Variants in AKAP6 observed in about 807,000 individuals in gnomAD.
AKAP6 encodes the protein A-kinase anchoring protein 6, also known as A-kinase anchor protein 6.
A neutral mutation model predicts 188.5 loss-of-function variants in AKAP6; 58 were observed. The observed-to-expected ratio is 0.31, with a 90% confidence interval of 0.25 to 0.38. The LOEUF (loss-of-function observed/expected upper bound fraction) is 0.38, where lower values mean the gene tolerates loss of function less well. Ranked by LOEUF, AKAP6 falls within the 10% of genes least tolerant of loss-of-function variation. AKAP6 has a pLI of 1.00. For missense variants in AKAP6, 2,710 were observed against 2,740.0 expected (o/e 0.99, Z 0.24); for synonymous variants, 989 against 998.6 (o/e 0.99, Z 0.18).
At chr14:32,813,474 A>AC (rs1217413493) in intron 12 of AKAP6, among the ~76,000 whole-genome samples, 2 of 127,904 alleles carry the variant, frequency 1.6e-5, no homozygotes, top group African/African-American at 5.9e-5. Flanking sequence ...TCTGGTGACC[A>AC]CCCCCAACCT....
chr14:32,753,447 A>G (rs760443823), intron 11 of AKAP6, among the ~76,000 whole-genome samples: 2 of 152,124 alleles, frequency 1.3e-5, no homozygotes, highest in Non-Finnish European at 2.9e-5. Flanking sequence ...TATGGTTTGT[A>G]AATATTTTCT....
Position 32,344,722 on chromosome 14 carries a change from C to T in AKAP6, c.-35+15314C>T, listed in dbSNP as rs140492826. Among the ~76,000 whole-genome samples the T allele has an allele frequency of 9.5e-3, 1,449 of 152,208 alleles. 36 individuals are homozygous for T. The highest frequency in any genetic ancestry group is 0.033 in the African/African-American group (1,366 of 41,514). On this transcript the variant is annotated intron_variant, in intron 1 of 13. Coordinates refer to ENST00000280979, the MANE Select transcript of AKAP6 (RefSeq NM_004274.5). ...CTTGAAGTCAGGAGTTTGAGACCAG[C>T]CTTGCCAACATGGCGAAACCCCGTC...
rs1249653051 is a variant in AKAP6, at chr14:32,337,747, G to A, written c.-35+8339G>A. ...CTCCCCCCACCCCACAACAGTCCCTGGTGTGTGATGTTCCCCTTCCTGGAT... is the reference window on the plus strand; with the variant it reads ...CTCCCCCCACCCCACAACAGTCCCTAGTGTGTGATGTTCCCCTTCCTGGAT... On this transcript the variant is annotated intron_variant, in intron 1 of 13. Coordinates refer to ENST00000280979, the MANE Select transcript of AKAP6 (RefSeq NM_004274.5). Among the ~76,000 whole-genome samples the A allele has an allele frequency of 5.8e-5, 8 of 139,022 alleles. No homozygotes were observed. In the Admixed American group the frequency reaches 6.0e-4, roughly 10 times the overall value. 91.2% of individuals were successfully genotyped at this position (139,022 alleles called of 152,430 possible).
chr14:32,465,514 G>T (rs1238573372), intron 2 of AKAP6, among the ~76,000 whole-genome samples: 1 of 152,152 alleles, frequency 6.6e-6, no homozygotes, highest in Non-Finnish European at 1.5e-5. Context: ...AATAAATAAT[G>T]TTGGGAAAAC....
At chr14:32,576,983 G>T (rs1404705831) in intron 4 of AKAP6, 137 bp from the exon 5 acceptor site, 1 of 958,846 alleles carries the variant, frequency 1.0e-6, no homozygotes, top group African/African-American at 1.7e-5. Context: ...CAGCAAAGAT[G>T]AAACTAGGAT....
Position 32,562,302 on chromosome 14 carries a change from G to C in AKAP6, c.2347-14818G>C, listed in dbSNP as rs150114744. ...CTAGTACTACTTGCTTGAGAAAGGC[G>C]TATGTGTGTGTGGGTGGGGAGGGAG... On this transcript the variant is annotated intron_variant, in intron 4 of 13. Coordinates refer to ENST00000280979, the MANE Select transcript of AKAP6 (RefSeq NM_004274.5). Among the ~76,000 whole-genome samples the C allele has an allele frequency of 6.0e-3, 908 of 152,246 alleles. 44 individuals carry two copies. In the East Asian group the frequency reaches 0.11, roughly 18 times the overall value.
chr14:32,369,294 A>C (rs1887935777), intron 1 of AKAP6, among the ~76,000 whole-genome samples: 1 of 152,186 alleles, frequency 6.6e-6, no homozygotes, highest in African/African-American at 2.4e-5. Context: ...GTGTGGCACC[A>C]AAAAAACCTC....
chr14:32,493,316 C>T (rs931794355), intron 2 of AKAP6, among the ~76,000 whole-genome samples: 4 of 152,046 alleles, frequency 2.6e-5, no homozygotes, highest in East Asian at 1.9e-4. Context: ...GGGCAGTCCT[C>T]CCACCTCAGC....
intron 1 of AKAP6, among the ~76,000 whole-genome samples, chr14:32,374,750 C>T (rs1038641951): frequency 1.3e-5 from 2 of 152,162 alleles, no homozygotes; most frequent in African/African-American, 4.8e-5. Context: ...GTACTATTAA[C>T]ATTTTGCTAA....
rs116961275 is a variant in AKAP6 at position 32,823,139 on chromosome 14, G to A, written c.5326G>A (p.Asp1776Asn). Reference protein sequence around the residue: ...EELCIKDEDDDSSIATDDEIY... With the variant: ...EELCIKDEDDNSSIATDDEIY... ...GCTGTGCATCAAAGATGAGGATGAC[G>A]ACTCCAGTATTGCAACAGATGATGA... The change falls in exon 13 of 14, where the codon GAC becomes AAC. Residue 1776 changes from aspartate (D) to asparagine (N), a missense_variant. Transcript: ENST00000280979. 8.7e-5 allele frequency: 141 copies of A among 1,613,694 alleles called. No homozygotes were observed. The East Asian group carries it at 2.5e-3, about 29-fold the overall frequency.
intron 1 of AKAP6, among the ~76,000 whole-genome samples, chr14:32,347,440 A>G (rs1887105841): frequency 6.6e-6 from 1 of 152,188 alleles, no homozygotes. Context: ...ACACACACCC[A>G]CTTTCGGACT....
chr14:32,433,014 A>C (rs910483532), intron 1 of AKAP6: 6 of 160,660 alleles, frequency 3.7e-5, no homozygotes, highest in African/African-American at 1.4e-4. Flanking sequence ...GGAGGAAAGT[A>C]GAAGGGCATA....
At chr14:32,356,741 C>G (rs17098889) in intron 1 of AKAP6, among the ~76,000 whole-genome samples, 47,874 of 151,766 alleles carry the variant, frequency 0.32, 8,253 homozygotes, top group African/African-American at 0.46. Context: ...GCACTACTTG[C>G]TTTAACCATT....
chr14:32,506,848 T>C (rs1484730148), intron 2 of AKAP6, among the ~76,000 whole-genome samples: 2 of 152,058 alleles, frequency 1.3e-5, no homozygotes, highest in Non-Finnish European at 2.9e-5. Context: ...TTTTAGTTCT[T>C]TTACCTCAAA....
chr14:32,557,939 C>T (rs1188283782), intron 4 of AKAP6, among the ~76,000 whole-genome samples: 1 of 152,086 alleles, frequency 6.6e-6, no homozygotes, highest in African/African-American at 2.4e-5. Flanking sequence ...CTTTCAGATT[C>T]CAAATATGAT....
chr14:32,751,721 C>T (rs1221055560), intron 11 of AKAP6, among the ~76,000 whole-genome samples: 1 of 152,058 alleles, frequency 6.6e-6, no homozygotes, highest in Non-Finnish European at 1.5e-5. Flanking sequence ...CTAGGGACTT[C>T]TGGTAGAATT....
chr14:32,738,327 A>T lies in AKAP6; in HGVS notation c.3372+2445A>T, dbSNP rs75076914. Among the ~76,000 whole-genome samples the T allele has an allele frequency of 5.2e-3, 799 of 152,250 alleles. 5 individuals carry two copies. The highest frequency in any genetic ancestry group is 0.018 in the African/African-American group (764 of 41,544). Reference sequence around the variant, plus strand: ...TATTCTAAAGACTCCAAATGGGAAGATATTATTCATTACCAGCTAAAGAAG... The same window carrying T: ...TATTCTAAAGACTCCAAATGGGAAGTTATTATTCATTACCAGCTAAAGAAG... On this transcript the variant is annotated intron_variant, in intron 11 of 13. Coordinates refer to ENST00000280979, the MANE Select transcript of AKAP6 (RefSeq NM_004274.5).
At chr14:32,516,292 A>G (rs2139041035) in intron 2 of AKAP6, among the ~76,000 whole-genome samples, 1 of 152,326 alleles carries the variant, frequency 6.6e-6, no homozygotes, top group African/African-American at 2.4e-5. Context: ...TGTTTTTGTC[A>G]TATTTTTATT....
intron 1 of AKAP6, among the ~76,000 whole-genome samples, chr14:32,432,915 G>A (rs528234031): frequency 2.0e-5 from 3 of 152,214 alleles, no homozygotes; most frequent in African/African-American, 4.8e-5. Context: ...ATGCTCCACC[G>A]TCCTCTACCC....
Sources: gnomAD v4.1 joint callset for allele counts (sites outside exome capture counted in the v4.1 genomes callset) on GRCh38, gnomAD v4.1.1 for gene constraint, MANE v1.5 for transcripts, NCBI Gene and HGNC (gene_info 2026-07-23, HGNC 2026-07-21) for gene names.